The following RALGPS1 variants were observed in gnomAD, a reference collection of about 807,000 sequenced individuals.
RALGPS1 encodes ras-specific guanine nucleotide-releasing factor RalGPS1.
Under a neutral mutation model 78.8 loss-of-function variants are expected in RALGPS1, and 19 were observed. That is an observed-to-expected ratio of 0.24 (90% CI 0.17 to 0.35). RALGPS1 has a LOEUF of 0.35. Among genes scored for constraint, RALGPS1 ranks in the 10% least tolerant of loss-of-function variants. The pLI is 1.00. For missense variants in RALGPS1, 454 were observed against 688.3 expected (o/e 0.66, Z 3.81); for synonymous variants, 228 against 256.3 (o/e 0.89, Z 1.06).
intron 14 of RALGPS1, among the ~76,000 whole-genome samples, chr9:127,204,275 T>C (rs1189118814): frequency 1.3e-5 from 2 of 152,222 alleles, no homozygotes; most frequent in Non-Finnish European, 2.9e-5. Context: ...CAAGTGATCC[T>C]GCTGTCTCTG....
intron 4 of RALGPS1, among the ~76,000 whole-genome samples, chr9:127,005,284 C>T (rs551845426): frequency 6.6e-6 from 1 of 152,292 alleles, no homozygotes; most frequent in African/African-American, 2.4e-5. Flanking sequence ...TACTGCAAAC[C>T]CTCTGAGAAA....
At chr9:126,993,950 G>C (rs1184877408) in intron 4 of RALGPS1, among the ~76,000 whole-genome samples, 2 of 152,198 alleles carry the variant, frequency 1.3e-5, no homozygotes, top group Non-Finnish European at 2.9e-5. Context: ...AACTCCGACA[G>C]ACCTGCAGCT....
intron 17 of RALGPS1, 43 bp downstream of exon 17, chr9:127,213,092 C>G: frequency 1.9e-6 from 3 of 1,612,898 alleles, no homozygotes; most frequent in Non-Finnish European, 1.7e-6. Flanking sequence ...TGCTCTCTGC[C>G]CATTTCCTCT....
chr9:127,189,474 G>A (rs1259380748), intron 11 of RALGPS1, among the ~76,000 whole-genome samples: 3 of 152,138 alleles, frequency 2.0e-5, no homozygotes, highest in African/African-American at 2.4e-5. Flanking sequence ...TAACCCCGTC[G>A]CCAGCCAGGT....
intron 8 of RALGPS1, among the ~76,000 whole-genome samples, chr9:127,135,265 G>A (rs2057314896): frequency 6.6e-6 from 1 of 152,188 alleles, no homozygotes; most frequent in East Asian, 1.9e-4. Flanking sequence ...ACAAGGCCTT[G>A]GAAGGACTTG....
At chr9:126,999,657 G>C (rs1419938968) in intron 4 of RALGPS1, among the ~76,000 whole-genome samples, 1 of 152,050 alleles carries the variant, frequency 6.6e-6, no homozygotes, top group Non-Finnish European at 1.5e-5. Flanking sequence ...TGGCTTGATA[G>C]CTCATTTCTT....
intron 4 of RALGPS1, among the ~76,000 whole-genome samples, chr9:127,022,831 C>CG (rs780114508): frequency 3.3e-5 from 5 of 152,310 alleles, no homozygotes; most frequent in East Asian, 1.9e-4. Context: ...AATATTCCTA[C>CG]CTTCATCCTC....
chr9:126,979,762 C>T (rs7040080), intron 4 of RALGPS1, among the ~76,000 whole-genome samples: 57,540 of 152,018 alleles, frequency 0.38, 12,704 homozygotes, highest in Non-Finnish European at 0.48. Context: ...TGTGACAAGA[C>T]GTTAGAGTGG....
At chr9:127,082,621 C>T (rs1461044966) in intron 8 of RALGPS1, among the ~76,000 whole-genome samples, 1 of 152,168 alleles carries the variant, frequency 6.6e-6, no homozygotes, top group Non-Finnish European at 1.5e-5. Context: ...GGCAGGAGCT[C>T]AGGAATCAGA....
At chr9:127,009,571 G>A (rs1418972367) in intron 4 of RALGPS1, among the ~76,000 whole-genome samples, 1 of 152,206 alleles carries the variant, frequency 6.6e-6, no homozygotes, top group Non-Finnish European at 1.5e-5. Flanking sequence ...CCTAGGAGAT[G>A]AGTCAGTGGG....
At chr9:127,125,080 C>T (rs1235997767) in intron 8 of RALGPS1, among the ~76,000 whole-genome samples, 5 of 152,156 alleles carry the variant, frequency 3.3e-5, no homozygotes, top group Non-Finnish European at 5.9e-5. Flanking sequence ...CTAGTTCTAC[C>T]ATTTGGTTGC....
At chr9:127,079,104 A>G (rs1361263793) in intron 8 of RALGPS1, among the ~76,000 whole-genome samples, 1 of 152,234 alleles carries the variant, frequency 6.6e-6, no homozygotes. Context: ...ACAGGCCTTT[A>G]ACCTCTGGGT....
intron 9 of RALGPS1, 130 bp downstream of exon 9, chr9:127,166,336 T>C (rs2059288491): frequency 1.8e-6 from 2 of 1,083,194 alleles, no homozygotes; most frequent in Non-Finnish European, 2.7e-6. Context: ...GCATCAAACA[T>C]GTACTAGATC....
intron 4 of RALGPS1, among the ~76,000 whole-genome samples, chr9:127,015,717 G>A (rs1265083626): frequency 6.6e-6 from 1 of 152,112 alleles, no homozygotes; most frequent in African/African-American, 2.4e-5. Flanking sequence ...CAAACTTTCA[G>A]AGACAGCTTT....
At chr9:127,101,890 T>G (rs1336195300) in intron 8 of RALGPS1, among the ~76,000 whole-genome samples, 2 of 152,208 alleles carry the variant, frequency 1.3e-5, no homozygotes, top group Admixed American at 6.5e-5. Flanking sequence ...TTCAAAAATA[T>G]CAGGGAAAAG....
At chr9:126,995,914 C>T (rs1016324024) in intron 4 of RALGPS1, among the ~76,000 whole-genome samples, 2 of 151,760 alleles carry the variant, frequency 1.3e-5, no homozygotes, top group African/African-American at 4.8e-5. Context: ...AACTGAACAA[C>T]CTGCTCCTGA....
At chr9:127,199,095 C>T in intron 14 of RALGPS1, 29 bp downstream of exon 14, 2 of 1,607,020 alleles carry the variant, frequency 1.2e-6, no homozygotes, top group South Asian at 1.1e-5. Flanking sequence ...TGGCCTCCCT[C>T]CCAGGGGCGG....
intron 1 of RALGPS1, among the ~76,000 whole-genome samples, chr9:126,952,450 A>G (rs2037911769): frequency 1.3e-5 from 2 of 152,146 alleles, no homozygotes; most frequent in African/African-American, 4.8e-5. Context: ...GCTACTTGCC[A>G]GGAAAGGAGG....
At chr9:127,113,081 G>T (rs1364479808) in intron 8 of RALGPS1, among the ~76,000 whole-genome samples, 1 of 152,170 alleles carries the variant, frequency 6.6e-6, no homozygotes, top group Non-Finnish European at 1.5e-5. Flanking sequence ...CTTAGTGGGG[G>T]TGACTCAGAA....
Sources: allele counts gnomAD v4.1 joint callset (sites outside exome capture counted in the v4.1 genomes callset), GRCh38; gene constraint gnomAD v4.1.1; transcripts MANE v1.5; gene names NCBI Gene and HGNC (gene_info 2026-07-23, HGNC 2026-07-21).